The following PPP2R2B variants were observed in gnomAD, a reference collection of about 807,000 sequenced individuals.
PPP2R2B encodes serine/threonine-protein phosphatase 2A 55 kDa regulatory subunit B beta isoform.
A neutral mutation model predicts 46.0 loss-of-function variants in PPP2R2B; 5 were observed. The observed-to-expected ratio is 0.11, with a 90% CI of 0.06 to 0.23. The LOEUF (loss-of-function observed/expected upper bound fraction) is 0.23, where lower values mean the gene tolerates loss of function less well. Among genes scored for constraint, PPP2R2B ranks in the 10% least tolerant of loss-of-function variants. The pLI, the probability that PPP2R2B is intolerant of heterozygous loss-of-function variation, is 1.00. For missense variants in PPP2R2B, 367 were observed against 575.0 expected (o/e 0.64, Z 3.70); for synonymous variants, 215 against 206.7 (o/e 1.04, Z -0.34).
At chr5:146,957,815 A>C (rs887741814) in intron 1 of PPP2R2B, among the ~76,000 whole-genome samples, 1 of 152,162 alleles carries the variant, frequency 6.6e-6, no homozygotes, top group East Asian at 1.9e-4. Context: ...TGCTAGGTCT[A>C]GAGGAGAGGA....
At chr5:146,742,258 C>T (rs969647290) in intron 2 of PPP2R2B, among the ~76,000 whole-genome samples, 6 of 151,978 alleles carry the variant, frequency 3.9e-5, no homozygotes, top group East Asian at 3.9e-4. Flanking sequence ...ATCTAAAATG[C>T]GCATGAAGCC....
chr5:146,810,401 A>C (rs1300564289), intron 2 of PPP2R2B, among the ~76,000 whole-genome samples: 1 of 152,206 alleles, frequency 6.6e-6, no homozygotes, highest in African/African-American at 2.4e-5. Flanking sequence ...CTACCATGAA[A>C]ACAGTATGGA....
intron 1 of PPP2R2B, among the ~76,000 whole-genome samples, chr5:146,907,700 C>T (rs946393192): frequency 7.2e-5 from 11 of 152,228 alleles, no homozygotes; most frequent in African/African-American, 2.7e-4. Flanking sequence ...TGTCAAGGCC[C>T]AGCTAAGTTT....
At chr5:146,677,427 T>C (rs933931937) in intron 5 of PPP2R2B, among the ~76,000 whole-genome samples, 2 of 151,858 alleles carry the variant, frequency 1.3e-5, no homozygotes, top group Non-Finnish European at 2.9e-5. Context: ...CCGTCACCAT[T>C]TTTTTTTGTT....
At chr5:146,903,676 G>T (rs1762911479) in intron 1 of PPP2R2B, among the ~76,000 whole-genome samples, 1 of 152,118 alleles carries the variant, frequency 6.6e-6, no homozygotes, top group Non-Finnish European at 1.5e-5. Context: ...GGAATTACAG[G>T]TGTGAGCCAC....
intron 5 of PPP2R2B, 113 bp downstream of exon 5, chr5:146,691,015 T>A (rs1778815195): frequency 3.6e-6 from 3 of 827,916 alleles, no homozygotes; most frequent in Non-Finnish European, 5.7e-6. Flanking sequence ...AGTCTCTGCC[T>A]ACGTTCCCTC....
intron 1 of PPP2R2B, among the ~76,000 whole-genome samples, chr5:147,017,956 A>T (rs1434821868): frequency 6.6e-6 from 1 of 152,036 alleles, no homozygotes; most frequent in Non-Finnish European, 1.5e-5. Flanking sequence ...TTAGAAGATG[A>T]TAAAGACAGG....
At chr5:147,066,303 T>C (rs1396788709) in intron 2 of PPP2R2B, among the ~76,000 whole-genome samples, 1 of 152,236 alleles carries the variant, frequency 6.6e-6, no homozygotes, top group Non-Finnish European at 1.5e-5. Flanking sequence ...CAAGCATTTA[T>C]TGAATGCTGA....
intron 2 of PPP2R2B, among the ~76,000 whole-genome samples, chr5:147,063,449 C>T (rs1007058358): frequency 6.6e-6 from 1 of 152,246 alleles, no homozygotes; most frequent in East Asian, 1.9e-4. Flanking sequence ...CACTTATTAG[C>T]TCTCATTTGG....
chr5:146,985,417 A>G (rs1254115394), intron 1 of PPP2R2B, among the ~76,000 whole-genome samples: 1 of 152,172 alleles, frequency 6.6e-6, no homozygotes, highest in East Asian at 1.9e-4. Flanking sequence ...AATATAATCC[A>G]ATCTGTTTAT....
chr5:146,794,761 G>T (rs556842498), intron 2 of PPP2R2B, among the ~76,000 whole-genome samples: 1 of 152,204 alleles, frequency 6.6e-6, no homozygotes, highest in African/African-American at 2.4e-5. Flanking sequence ...TTAGGGTTTT[G>T]AAAACAGCCC....
intron 1 of PPP2R2B, among the ~76,000 whole-genome samples, chr5:146,924,797 C>T (rs1018883353): frequency 6.6e-6 from 1 of 152,058 alleles, no homozygotes; most frequent in African/African-American, 2.4e-5. Context: ...TCACAAGGAG[C>T]AAAAAGAATG....
At chr5:146,761,365 G>A (rs990927683) in intron 2 of PPP2R2B, among the ~76,000 whole-genome samples, 24 of 152,192 alleles carry the variant, frequency 1.6e-4, no homozygotes, top group Non-Finnish European at 2.8e-4. Context: ...TCCTTTGTAG[G>A]GACATGGATG....
chr5:147,060,956 A>G (rs1757239772), upstream of PPP2R2B, among the ~76,000 whole-genome samples: 1 of 152,230 alleles, frequency 6.6e-6, no homozygotes, highest in Non-Finnish European at 1.5e-5. Context: ...TGAACTGAAT[A>G]AAGAAAATTC....
intron 1 of PPP2R2B, among the ~76,000 whole-genome samples, chr5:146,977,596 A>G (rs1321450404): frequency 6.6e-6 from 1 of 151,550 alleles, no homozygotes; most frequent in East Asian, 1.9e-4. Context: ...TCACTGTTCA[A>G]CTCCCACTTA....
intron 2 of PPP2R2B, among the ~76,000 whole-genome samples, chr5:146,776,147 T>C (rs770139176): frequency 5.3e-5 from 8 of 152,112 alleles, no homozygotes; most frequent in Non-Finnish European, 1.0e-4. Flanking sequence ...AAACTGATTC[T>C]AAAATTCATA....
intron 2 of PPP2R2B, among the ~76,000 whole-genome samples, chr5:146,766,496 A>C (rs1047433402): frequency 6.6e-5 from 10 of 152,202 alleles, no homozygotes; most frequent in African/African-American, 2.4e-4. Flanking sequence ...AGTCTGACCA[A>C]GACTGAGGTA....
intron 5 of PPP2R2B, among the ~76,000 whole-genome samples, chr5:146,688,966 A>G (rs1778668766): frequency 6.6e-6 from 1 of 152,168 alleles, no homozygotes; most frequent in South Asian, 2.1e-4. Flanking sequence ...TATTCCCAAT[A>G]TATTGCCAGT....
At chr5:147,004,408 G>A (rs1008266734) in intron 1 of PPP2R2B, among the ~76,000 whole-genome samples, 2 of 152,130 alleles carry the variant, frequency 1.3e-5, no homozygotes, top group Non-Finnish European at 2.9e-5. Context: ...TTTAACCATT[G>A]AGGACCAGGA....
Sources: allele counts gnomAD v4.1 joint callset (sites outside exome capture counted in the v4.1 genomes callset), GRCh38; gene constraint gnomAD v4.1.1; transcripts MANE v1.5; gene names NCBI Gene and HGNC (gene_info 2026-07-23, HGNC 2026-07-21).